Variants in KATNB1 observed in about 807,000 individuals in gnomAD.
KATNB1 encodes katanin p80 WD40 repeat-containing subunit B1.
A neutral mutation model predicts 82.3 loss-of-function variants in KATNB1; 38 were observed. That is an observed-to-expected ratio of 0.46 (90% CI 0.36 to 0.61). KATNB1 has a LOEUF of 0.61. KATNB1 is among the 20% of genes least tolerant of loss of function. The probability of loss-of-function intolerance (pLI) is 0.00; values close to 1 mark genes in which losing one functional copy is unlikely to be tolerated. For missense variants in KATNB1, 749 were observed against 915.7 expected (o/e 0.82, Z 2.35); for synonymous variants, 361 against 368.7 (o/e 0.98, Z 0.24).
At chr16:57,736,182 AG>A (rs1305001257) in intron 1 of KATNB1, 2 of 152,604 alleles carry the variant, frequency 1.3e-5, no homozygotes, top group African/African-American at 4.8e-5. Context: ...CATATGGGAA[AG>A]GGCAGTAACG....
rs1324067382 is a variant in KATNB1, at chr16:57,757,090, TC to T, written c.*147del. 2.2e-6 allele frequency: 2 copies of T among 893,380 alleles called. No homozygotes were observed. The highest frequency in any genetic ancestry group is 3.1e-6 in the Non-Finnish European group (2 of 644,436). The allele number at this position is 893,380 out of a possible 1,614,324, so 55.3% of individuals were successfully genotyped here. ...GCCGTCCTGGAGGAGGTGATGCTGG[TC>T]CCTGGCCACCTCTACAGCCCTGAAC... On this transcript the variant is annotated 3_prime_UTR_variant, in exon 20 of 20. Transcript: ENST00000379661.
chr16:57,746,663 C>T lies in KATNB1; in HGVS notation c.289+2152C>T, dbSNP rs550624840. 2.4e-4 allele frequency among the ~76,000 whole-genome samples: 37 copies of T among 151,044 alleles called. No homozygotes were observed. In the South Asian group the frequency reaches 7.6e-3, roughly 31 times the overall value. On this transcript the variant is annotated intron_variant, in intron 4 of 19. Coordinates refer to ENST00000379661, the MANE Select transcript of KATNB1 (RefSeq NM_005886.3). ...GCCTTAGCAGGTGGTGCCAGCTCTA[C>T]GGATTTTTCAAGAGAGGCTGGAAAT...
intron 13 of KATNB1, 35 bp downstream of exon 13, chr16:57,754,030 G>GA (rs1567902797): frequency 2.5e-6 from 4 of 1,575,064 alleles, no homozygotes; most frequent in East Asian, 2.3e-5. Context: ...CAAGGTCTCT[G>GA]ATGCCCCCCC....
Position 57,753,976 on chromosome 16 carries a change from C to G in KATNB1, c.1209C>G (p.Phe403Leu). ...CGCCACCCCGGAGAAGTGAGCCCTT[C>G]CCTGCACCCCCAGAGGACGGTGAGT... ...SRTPPRRSEP[F>L]PAPPEDDAAT... The change falls in exon 13 of 20, where the codon TTC (phenylalanine) becomes TTG (leucine). Residue 403 changes from phenylalanine to leucine, a missense_variant. By Grantham distance (22) the Phe-to-Leu change is conservative. This residue lies in a region of KATNB1 where 407 missense variants were observed against 434.7 expected (regional missense o/e 0.94). Transcript: ENST00000379661. The G allele has an allele frequency of 6.2e-7, 1 of 1,613,698 alleles. No homozygotes were observed. Among genetic ancestry groups the G allele is most frequent in the African/African-American group, 1.3e-5 (1 of 75,016 alleles).
chr16:57,736,429 C>T (rs1486263555), intron 1 of KATNB1, among the ~76,000 whole-genome samples: 3 of 152,234 alleles, frequency 2.0e-5, no homozygotes, highest in African/African-American at 7.2e-5. Context: ...GAGTCATAGC[C>T]ACTTACGCCC....
intron 10 of KATNB1, 68 bp downstream of exon 10, chr16:57,752,996 C>T: frequency 1.3e-6 from 2 of 1,593,046 alleles, no homozygotes; most frequent in South Asian, 1.1e-5. Flanking sequence ...CAGCCCAGGC[C>T]CCTCCTCCTA....
intron 1 of KATNB1, 81 bp from the exon 2 acceptor site, chr16:57,736,897 C>A: frequency 1.8e-6 from 1 of 549,432 alleles, no homozygotes; most frequent in South Asian, 1.6e-5. Context: ...CAGTCTTTAT[C>A]AAGTGGTCTT....
chr16:57,756,442 CTG>C lies in KATNB1; in HGVS notation c.1808_1809del (p.Val603GlyfsTer12), dbSNP rs2049282829. The C allele has an allele frequency of 1.2e-6, 2 of 1,613,698 alleles. No homozygotes were observed. The highest frequency in any genetic ancestry group is 1.7e-5 in the Admixed American group (1 of 60,000). ...ACAGACATGCTGGCGGCCCCACCCT[CTG>C]TGGGTGTGGATATCAGCAGGGAGGA... On this transcript the variant is annotated frameshift_variant, in exon 19 of 20. Coordinates refer to ENST00000379661, the MANE Select transcript of KATNB1 (RefSeq NM_005886.3). LOFTEE classifies it high-confidence loss of function.
chr16:57,750,706 A>T (rs1034531641), intron 4 of KATNB1, 121 bp from the exon 5 acceptor site: 4 of 744,454 alleles, frequency 5.4e-6, no homozygotes, highest in Non-Finnish European at 9.8e-6. Context: ...AATGTGTGTT[A>T]TTGTTCTATT....
rs1555586980 is a variant in KATNB1 at position 57,756,850 on chromosome 16, G to C, written c.1872G>C (p.Lys624Asn). The change falls in exon 20 of 20, where the codon AAG (lysine) becomes AAC (asparagine). Residue 624 changes from lysine (K) to asparagine (N), a missense_variant. Transcript: ENST00000379661. ...GCCGGCTCTGCTACAAGCAGCTTAA[G>C]AGCATCAGCGGCCTGGTCAAGAGCA... ...HKCRLCYKQL[K>N]SISGLVKSKS... 8.2e-6 allele frequency: 13 copies of C among 1,576,856 alleles called. No individual in the cohort carries two copies. Among genetic ancestry groups the C allele is most frequent in the Non-Finnish European group, 1.1e-5 (13 of 1,160,652 alleles).
intron 9 of KATNB1, 53 bp downstream of exon 9, chr16:57,752,654 G>T (rs1555583816): frequency 7.8e-6 from 12 of 1,545,656 alleles, no homozygotes; most frequent in Non-Finnish European, 8.7e-7. Context: ...AGTGGGGCGT[G>T]GCTGTGGGTG....
chr16:57,752,233 C>A (rs1567901373), intron 8 of KATNB1, 178 bp downstream of exon 8: 2 of 646,192 alleles, frequency 3.1e-6, no homozygotes, highest in South Asian at 1.8e-5. Context: ...TCTCCCCTGG[C>A]TCTGGTTCCC....
At chr16:57,753,728 C>T (rs540306881) in intron 12 of KATNB1, among the ~76,000 whole-genome samples, 2 of 152,254 alleles carry the variant, frequency 1.3e-5, no homozygotes, top group East Asian at 1.9e-4. Context: ...TCCCCAGCAG[C>T]GGCCCAGCAG....
At chr16:57,754,757 G>A (rs2049261541) in intron 13 of KATNB1, among the ~76,000 whole-genome samples, 173 bp from the exon 14 acceptor site, 1 of 152,172 alleles carries the variant, frequency 6.6e-6, no homozygotes. Flanking sequence ...GGAGGAGGCA[G>A]GTCCAGGCCT....
chr16:57,739,793 C>T (rs1020986601), intron 2 of KATNB1, among the ~76,000 whole-genome samples: 6 of 152,216 alleles, frequency 3.9e-5, no homozygotes, highest in Non-Finnish European at 7.3e-5. Flanking sequence ...GCCCCCACCA[C>T]CATCTGATTA....
rs144584147 is a variant in KATNB1 at position 57,755,179 on chromosome 16, G to T, written c.1357G>T (p.Ala453Ser). The T allele has an allele frequency of 7.4e-4, 1,197 of 1,612,390 alleles. 2 individuals are homozygous for T. Among genetic ancestry groups the T allele is most frequent in the Non-Finnish European group, 9.7e-4 (1,145 of 1,179,924 alleles). ...CACACCTGCACCCAAGGCTGAGCCT[G>T]CCATCATCCCTGCCACCCGGAACGA... is the stretch of plus-strand genomic sequence containing the variant. ...ASTPAPKAEP[A>S]IIPATRNEPI... Residue 453 changes from alanine (A) to serine (S), a missense_variant, in exon 15 of 20, where the codon GCC (alanine) becomes TCC (serine). By Grantham distance (99) the Ala-to-Ser change is moderately conservative. Transcript: ENST00000379661.
intron 4 of KATNB1, 150 bp from the exon 5 acceptor site, chr16:57,750,677 T>C (rs185803033): frequency 1.7e-4 from 109 of 648,710 alleles, no homozygotes; most frequent in Non-Finnish European, 1.7e-5. Context: ...GACCCTTGAT[T>C]GTTTCCTACT....
rs2049300425 is a variant in KATNB1, at chr16:57,757,138, C to T, written c.*192C>T. Reference sequence around the variant, plus strand: ...GAACTCTTGAGACAACTCTCTCCAGCAATAGCTGCCCAGCTTTGCCCAACT... The same window carrying T: ...GAACTCTTGAGACAACTCTCTCCAGTAATAGCTGCCCAGCTTTGCCCAACT... On this transcript the variant is annotated 3_prime_UTR_variant, in exon 20 of 20. Coordinates refer to ENST00000379661, the MANE Select transcript of KATNB1 (RefSeq NM_005886.3). 2.0e-6 allele frequency: 1 copy of T among 494,374 alleles called. No individual in the cohort carries two copies. Among genetic ancestry groups the T allele is most frequent in the Non-Finnish European group, 3.2e-6 (1 of 309,746 alleles). The allele number at this position is 494,374 out of a possible 1,614,324, so 30.6% of individuals were successfully genotyped here.
At position 57,751,887 on chromosome 16, in the gene KATNB1, G is replaced by A; in HGVS notation, c.517-53G>A. On this transcript the variant is annotated intron_variant, in intron 7 of 19. Transcript: ENST00000379661. This position sits in a 1 kb window ranked among gnomAD's most constrained non-coding sequence, Gnocchi z 6.3. Reference sequence around the variant, plus strand: ...GAGCTTGGCCTGGATTAGAGGGAGGGTGGGCAGCCAAGATGCCTGGTCACC... The same window carrying A: ...GAGCTTGGCCTGGATTAGAGGGAGGATGGGCAGCCAAGATGCCTGGTCACC... 1 of 1,475,008 alleles carries A rather than the reference G, an allele frequency of 6.8e-7. No individual in the cohort carries two copies. Among genetic ancestry groups the A allele is most frequent in the South Asian group, 1.1e-5 (1 of 87,136 alleles). The allele number at this position is 1,475,008 out of a possible 1,614,324, so 91.4% of individuals were successfully genotyped here. A position where few individuals can be genotyped will look rare whatever the true frequency, so the allele number is the denominator to read the frequency against.
Sources: allele counts gnomAD v4.1 joint callset (sites outside exome capture counted in the v4.1 genomes callset), GRCh38; gene constraint gnomAD v4.1.1; regional missense constraint gnomAD v4.1.1; non-coding constraint Gnocchi (gnomAD v3.1); transcripts MANE v1.5; gene names NCBI Gene and HGNC (gene_info 2026-07-23, HGNC 2026-07-21).